The following XKR6 variants were observed in gnomAD, a reference collection of about 807,000 sequenced individuals.
XKR6 encodes the protein XK related 6, also known as XK-related protein 6.
A neutral mutation model predicts 56.7 loss-of-function variants in XKR6; 22 were observed. The observed-to-expected ratio is 0.39, with a 90% CI of 0.28 to 0.55. The LOEUF is 0.55. Ranked by LOEUF, XKR6 falls within the 20% of genes least tolerant of loss-of-function variation. The pLI is 0.66. For missense variants in XKR6, 852 were observed against 889.0 expected (o/e 0.96, Z 0.53); for synonymous variants, 524 against 387.8 (o/e 1.35, Z -4.13).
intron 1 of XKR6, among the ~76,000 whole-genome samples, chr8:10,960,464 G>C (rs1273271521): frequency 6.6e-6 from 1 of 152,234 alleles, no homozygotes; most frequent in East Asian, 1.9e-4. Flanking sequence ...AAGTAAGAGA[G>C]ACGGAAGCCT....
intron 1 of XKR6, among the ~76,000 whole-genome samples, chr8:11,117,407 C>T (rs10087081): frequency 0.53 from 80,141 of 152,064 alleles, 24,793 homozygotes; most frequent in African/African-American, 0.85. Context: ...CTAAACACAA[C>T]ACATTTATCA....
chr8:11,097,164 G>C (rs1798288465), intron 1 of XKR6, among the ~76,000 whole-genome samples: 1 of 152,172 alleles, frequency 6.6e-6, no homozygotes. Flanking sequence ...CTCTCATATA[G>C]ACTTTGTCTC....
intron 1 of XKR6, among the ~76,000 whole-genome samples, chr8:10,987,381 C>T (rs1018811515): frequency 2.6e-5 from 4 of 152,202 alleles, no homozygotes; most frequent in Non-Finnish European, 5.9e-5. Context: ...GGAAGCTATT[C>T]TTTCTGCTGT....
intron 1 of XKR6, among the ~76,000 whole-genome samples, chr8:11,008,962 G>A (rs1244041746): frequency 2.0e-5 from 3 of 152,138 alleles, no homozygotes; most frequent in East Asian, 3.9e-4. Context: ...AACTCAGAAA[G>A]AGCAAGGACC....
chr8:10,899,282 C>T (rs1208454044), intron 2 of XKR6, among the ~76,000 whole-genome samples: 1 of 152,230 alleles, frequency 6.6e-6, no homozygotes, highest in Non-Finnish European at 1.5e-5. Context: ...GTGCGGCTGG[C>T]ATTGGCGTCG....
chr8:11,095,690 C>T (rs889401289), intron 1 of XKR6, among the ~76,000 whole-genome samples: 1 of 152,200 alleles, frequency 6.6e-6, no homozygotes, highest in Non-Finnish European at 1.5e-5. Flanking sequence ...TGGCTCTCCT[C>T]CTTTGTAAGT....
chr8:11,162,092 T>C (rs540230442), intron 1 of XKR6, among the ~76,000 whole-genome samples: 1 of 152,300 alleles, frequency 6.6e-6, no homozygotes, highest in Non-Finnish European at 1.5e-5. Flanking sequence ...TAAAGTGATA[T>C]GACCAAGATA....
intron 1 of XKR6, among the ~76,000 whole-genome samples, chr8:11,176,936 A>G (rs982257263): frequency 2.0e-5 from 3 of 152,202 alleles, no homozygotes; most frequent in Non-Finnish European, 4.4e-5. Flanking sequence ...AGCGTGGCCA[A>G]TGCTAAGAGA....
intron 1 of XKR6, among the ~76,000 whole-genome samples, chr8:10,934,848 G>T (rs1801165355): frequency 6.7e-6 from 1 of 149,190 alleles, no homozygotes. Flanking sequence ...AGGGATATTG[G>T]TCTAAAATTC....
At chr8:11,081,922 C>T (rs1027108613) in intron 1 of XKR6, among the ~76,000 whole-genome samples, 10 of 152,218 alleles carry the variant, frequency 6.6e-5, no homozygotes, top group African/African-American at 2.4e-4. Context: ...GGATGCCAAC[C>T]AGCCCGACAG....
chr8:11,076,197 T>C (rs996366334), intron 1 of XKR6, among the ~76,000 whole-genome samples: 2 of 152,116 alleles, frequency 1.3e-5, no homozygotes, highest in Non-Finnish European at 2.9e-5. Context: ...GATAGTAGAA[T>C]GGGGTTGCCA....
intron 1 of XKR6, among the ~76,000 whole-genome samples, chr8:11,130,352 G>C (rs542223310): frequency 9.1e-4 from 139 of 152,146 alleles, no homozygotes; most frequent in African/African-American, 2.5e-3. Flanking sequence ...AAGCACAAGT[G>C]TTTTATCGCC....
At chr8:10,986,477 C>T (rs1172078101) in intron 1 of XKR6, among the ~76,000 whole-genome samples, 1 of 152,166 alleles carries the variant, frequency 6.6e-6, no homozygotes, top group Admixed American at 6.5e-5. Flanking sequence ...CTTTATACTT[C>T]ACGATCTCAA....
chr8:11,179,491 C>T (rs1437246394), intron 1 of XKR6, among the ~76,000 whole-genome samples: 2 of 151,740 alleles, frequency 1.3e-5, no homozygotes, highest in Non-Finnish European at 2.9e-5. Flanking sequence ...TAAATACTTC[C>T]CTGATATGCA....
Position 10,980,853 on chromosome 8 carries a change from G to C in XKR6, c.765-56023C>G, listed in dbSNP as rs113952067. On this transcript the variant is annotated intron_variant, in intron 1 of 2. Coordinates refer to ENST00000416569, the MANE Select transcript of XKR6 (RefSeq NM_173683.4). ...GAATAATGGATTATGATCTCTGTCT[G>C]TCTGTCTATTTCTGTATCTACTGAC... is the stretch of plus-strand genomic sequence containing the variant. Among the ~76,000 whole-genome samples, 705 of 152,196 alleles carry C rather than the reference G, an allele frequency of 4.6e-3. 6 individuals carry two copies. The highest frequency in any genetic ancestry group is 0.016 in the African/African-American group (673 of 41,528).
intron 2 of XKR6, among the ~76,000 whole-genome samples, chr8:10,914,305 T>C (rs2129112520): frequency 6.6e-6 from 1 of 152,112 alleles, no homozygotes; most frequent in Non-Finnish European, 1.5e-5. Context: ...GTATATACAG[T>C]ATATACTGGG....
chr8:11,035,109 C>T, intron 1 of XKR6: 1 of 470,682 alleles, frequency 2.1e-6, no homozygotes, highest in Admixed American at 2.3e-5. Flanking sequence ...GATGATGATA[C>T]TTACCTTAAA....
intron 1 of XKR6, among the ~76,000 whole-genome samples, chr8:11,132,564 G>C (rs78136053): frequency 6.6e-6 from 1 of 151,894 alleles, no homozygotes; most frequent in Non-Finnish European, 1.5e-5. Context: ...GTTTCACTAT[G>C]TTGGCCAGGC....
At chr8:10,965,239 C>G (rs920650890) in intron 1 of XKR6, among the ~76,000 whole-genome samples, 5 of 152,224 alleles carry the variant, frequency 3.3e-5, no homozygotes, top group African/African-American at 2.4e-5. Flanking sequence ...CAGTTCGGCT[C>G]ATCTGAGCTC....
Sources: allele counts gnomAD v4.1 joint callset (sites outside exome capture counted in the v4.1 genomes callset), GRCh38; gene constraint gnomAD v4.1.1; transcripts MANE v1.5; gene names NCBI Gene and HGNC (gene_info 2026-07-23, HGNC 2026-07-21).